The following PMM2 variants were observed in gnomAD, a reference collection of about 807,000 sequenced individuals.
PMM2 encodes phosphomannomutase 2, also known as mannose-6-phosphate isomerase.
Under a neutral mutation model 33.2 loss-of-function variants are expected in PMM2, and 35 were observed. The observed-to-expected ratio is 1.06, with a 90% CI of 0.81 to 1.40. PMM2 has a LOEUF of 1.40. Among genes scored for constraint, PMM2 ranks in the 40% most tolerant of loss-of-function variants. The pLI is 0.00. For synonymous variants in PMM2, 153 were observed against 114.7 expected (o/e 1.33, Z -2.13); for missense variants, 386 against 306.0 (o/e 1.26, Z -1.95).
At chr16:8,835,764 G>C (rs953888896) in intron 7 of PMM2, among the ~76,000 whole-genome samples, 10 of 151,952 alleles carry the variant, frequency 6.6e-5, no homozygotes, top group African/African-American at 2.4e-4. Context: ...CGTGCCATGG[G>C]ATGGGACATT....
intron 1 of PMM2, among the ~76,000 whole-genome samples, chr16:8,799,393 A>G (rs562382829): frequency 2.0e-4 from 30 of 152,272 alleles, no homozygotes; most frequent in South Asian, 4.1e-4. Context: ...TAACCTCCTC[A>G]GTTTCACACA....
At chr16:8,841,427 A>G (rs1319996395) in intron 7 of PMM2, among the ~76,000 whole-genome samples, 6 of 147,808 alleles carry the variant, frequency 4.1e-5, no homozygotes, top group Non-Finnish European at 3.0e-5. Flanking sequence ...GGGCATGTTG[A>G]GTGAAGCTAA....
intron 7 of PMM2, chr16:8,829,358 A>C (rs6498141): frequency 0.89 from 135,546 of 152,284 alleles, 60,786 homozygotes; most frequent in East Asian, 0.97. Context: ...GATGACCCTG[A>C]TCGCTGCACG....
chr16:8,844,498 C>G lies in PMM2; in HGVS notation c.640-3226C>G, dbSNP rs1479166274. On this transcript the variant is annotated intron_variant, in intron 7 of 7. Transcript: ENST00000268261. ...AGAAGGGGTTGGGGGGTTCTTGCCC[C>G]TGCCCCAGAAAATCAGAGAAGGGGT... 1.3e-5 allele frequency among the ~76,000 whole-genome samples: 2 copies of G among 152,054 alleles called. 1 individual carries two copies. Among genetic ancestry groups the G allele is most frequent in the Non-Finnish European group, 2.9e-5 (2 of 68,002 alleles).
rs182141041 is a variant in PMM2, at chr16:8,844,833, G to T, written c.640-2891G>T. On this transcript the variant is annotated intron_variant, in intron 7 of 7. Transcript: ENST00000268261. ...GCGCCTAGATTGAAAGGAGAAAGAC[G>T]GTGAGGGATAGGGAGGTTGGAGAAG... Among the ~76,000 whole-genome samples, 20 of 152,304 alleles carry T rather than the reference G, an allele frequency of 1.3e-4. No individual in the cohort carries two copies. In the East Asian group the frequency reaches 3.7e-3, roughly 28 times the overall value.
At position 8,828,082 on chromosome 16, in the gene PMM2, A is replaced by G. The variant is rs188905871; in HGVS notation, c.639+14976A>G. On this transcript the variant is annotated intron_variant, in intron 7 of 7. Transcript: ENST00000268261. ...TTTAAATTTCTTATTACCAGACTCT[A>G]GCCAGGATAGACAGCCAGTATTTCT... 7.4e-3 allele frequency among the ~76,000 whole-genome samples: 897 copies of G among 121,054 alleles called. 23 individuals are homozygous for G. Among genetic ancestry groups the G allele is most frequent in the African/African-American group, 0.028 (855 of 30,670 alleles). 79.4% of individuals were successfully genotyped at this position (121,054 alleles called of 152,430 possible). A position where few individuals can be genotyped will look rare whatever the true frequency, so the allele number is the denominator to read the frequency against.
chr16:8,806,185 G>T (rs2060646652), intron 3 of PMM2, 131 bp from the exon 4 acceptor site: 1 of 716,716 alleles, frequency 1.4e-6, no homozygotes, highest in Non-Finnish European at 2.6e-6. Context: ...AGACAGTGGG[G>T]CATGTCACCA....
chr16:8,842,393 G>A (rs916299255), intron 7 of PMM2: 1 of 152,192 alleles, frequency 6.6e-6, no homozygotes, highest in African/African-American at 2.4e-5. Flanking sequence ...AGAAGCGGAG[G>A]GGTGGAAAGA....
At chr16:8,844,700 A>T (rs2060913497) in intron 7 of PMM2, among the ~76,000 whole-genome samples, 1 of 152,198 alleles carries the variant, frequency 6.6e-6, no homozygotes, top group South Asian at 2.1e-4. Context: ...CTGCCTTCCC[A>T]GTCCGTGACC....
intron 7 of PMM2, chr16:8,832,386 C>T: frequency 1.0e-6 from 1 of 985,366 alleles, no homozygotes; most frequent in Non-Finnish European, 1.2e-6. Context: ...ATTCTCCAGA[C>T]CTAGCTTTAT....
At chr16:8,837,983 C>A (rs921622977) in intron 7 of PMM2, among the ~76,000 whole-genome samples, 6 of 152,060 alleles carry the variant, frequency 3.9e-5, no homozygotes, top group African/African-American at 1.4e-4. Flanking sequence ...CATGCGCGTC[C>A]GTGTGAAGAG....
At chr16:8,825,477 T>A (rs905127718) in intron 7 of PMM2, among the ~76,000 whole-genome samples, 3 of 151,334 alleles carry the variant, frequency 2.0e-5, no homozygotes, top group Non-Finnish European at 2.9e-5. Context: ...CCACCACCAC[T>A]CCTGGCTAAT....
intron 7 of PMM2, among the ~76,000 whole-genome samples, chr16:8,821,426 T>C (rs1944162634): frequency 6.6e-6 from 1 of 152,214 alleles, no homozygotes; most frequent in Non-Finnish European, 1.5e-5. Flanking sequence ...GGAATAGGAC[T>C]GTGGCTAACA....
chr16:8,832,202 G>A (rs1567166153), intron 7 of PMM2: 2 of 985,272 alleles, frequency 2.0e-6, no homozygotes, highest in African/African-American at 1.7e-5. Context: ...GAGTCACAAA[G>A]AAAGAAGCAG....
intron 7 of PMM2, among the ~76,000 whole-genome samples, 168 bp downstream of exon 7, chr16:8,813,274 A>T (rs1004106074): frequency 2.6e-5 from 4 of 152,102 alleles, no homozygotes; most frequent in Non-Finnish European, 5.9e-5. Flanking sequence ...CTTCCCCTCT[A>T]AGCTCAGACC....
chr16:8,848,087 T>C lies in PMM2; in HGVS notation c.*262T>C. The C allele has an allele frequency of 2.2e-6, 1 of 458,080 alleles. No homozygotes were observed. The highest frequency in any genetic ancestry group is 2.1e-5 in the South Asian group (1 of 47,940). The allele number at this position is 458,080 out of a possible 1,614,324, so 28.4% of individuals were successfully genotyped here. ...ACCCACCCCCAGCCCCCTAGTCTAATACCCACCCTGATACGTGCAATCATG... is the reference window on the plus strand; with the variant it reads ...ACCCACCCCCAGCCCCCTAGTCTAACACCCACCCTGATACGTGCAATCATG... On this transcript the variant is annotated 3_prime_UTR_variant, in exon 8 of 8. Coordinates refer to ENST00000268261, the MANE Select transcript of PMM2 (RefSeq NM_000303.3).
At chr16:8,836,478 A>T (rs2060848774) in intron 7 of PMM2, among the ~76,000 whole-genome samples, 1 of 152,012 alleles carries the variant, frequency 6.6e-6, no homozygotes, top group African/African-American at 2.4e-5. Flanking sequence ...CACGTGTAGC[A>T]AGCTCCTGGG....
chr16:8,832,905 C>G (rs900500409), intron 7 of PMM2: 3 of 985,346 alleles, frequency 3.0e-6, no homozygotes, highest in Non-Finnish European at 3.6e-6. Context: ...CCAGGCCTGG[C>G]AGCCCTTCCC....
At chr16:8,828,087 G>C (rs1328052729) in intron 7 of PMM2, among the ~76,000 whole-genome samples, 8 of 132,206 alleles carry the variant, frequency 6.1e-5, no homozygotes, top group African/African-American at 2.0e-4. Context: ...ACTCTAGCCA[G>C]GATAGACAGC....
Sources: gnomAD v4.1 joint callset for allele counts (sites outside exome capture counted in the v4.1 genomes callset) on GRCh38, gnomAD v4.1.1 for gene constraint, MANE v1.5 for transcripts, NCBI Gene and HGNC (gene_info 2026-07-23, HGNC 2026-07-21) for gene names.